CAST: variants seen among roughly 807,000 people sequenced by gnomAD.
CAST encodes calpastatin.
A neutral mutation model predicts 119.6 loss-of-function variants in CAST; 76 were observed. That is an observed-to-expected ratio of 0.64 (90% CI 0.53 to 0.77). The LOEUF (loss-of-function observed/expected upper bound fraction) is 0.77, where lower values mean the gene tolerates loss of function less well. CAST is among the 30% of genes least tolerant of loss of function. CAST has a pLI of 0.00. For missense variants in CAST, 953 were observed against 946.5 expected, an observed-to-expected ratio of 1.01 and a Z score of -0.09; for synonymous variants, 319 against 331.6, an observed-to-expected ratio of 0.96 and a Z score of 0.41.
the CAST span, among the ~76,000 whole-genome samples, chr5:96,308,348 T>C: frequency 6.6e-6 from 1 of 151,980 alleles, no homozygotes; most frequent in African/African-American, 2.4e-5. Flanking sequence ...TAGTTAGCAA[T>C]ACATCTAACC....
the CAST span, among the ~76,000 whole-genome samples, chr5:96,108,243 C>G: frequency 6.6e-6 from 1 of 152,246 alleles, no homozygotes; most frequent in Non-Finnish European, 1.5e-5. Flanking sequence ...CATTCTCTGT[C>G]CAGCTTTTTT....
At chr5:96,286,488 G>A in the CAST span, among the ~76,000 whole-genome samples, 7 of 152,160 alleles carry the variant, frequency 4.6e-5, no homozygotes, top group South Asian at 2.1e-4. Context: ...AGAATGAGCC[G>A]TTAAAGGGAG....
chr5:96,645,350 G>T (rs1748001655), intron 1 of CAST, among the ~76,000 whole-genome samples: 1 of 152,126 alleles, frequency 6.6e-6, no homozygotes, highest in East Asian at 1.9e-4. Context: ...TCATCACGCG[G>T]TTAAGGTGGT....
At chr5:96,731,837 A>AT (rs1334196503) in intron 9 of CAST, among the ~76,000 whole-genome samples, 2 of 151,760 alleles carry the variant, frequency 1.3e-5, no homozygotes, top group East Asian at 3.9e-4. Context: ...TGAACTCATC[A>AT]TTTTTTATGG....
At chr5:96,434,777 G>A in the CAST span, among the ~76,000 whole-genome samples, 1 of 152,202 alleles carries the variant, frequency 6.6e-6, no homozygotes, top group East Asian at 1.9e-4. Context: ...GACAAGACTT[G>A]GTGGAGGATC....
At chr5:96,092,572 A>T in the CAST span, among the ~76,000 whole-genome samples, 3 of 152,218 alleles carry the variant, frequency 2.0e-5, no homozygotes, top group African/African-American at 4.8e-5. Context: ...GGTTTAAAAT[A>T]TACATGATAA....
At chr5:96,046,224 G>A in the CAST span, among the ~76,000 whole-genome samples, 3 of 152,006 alleles carry the variant, frequency 2.0e-5, no homozygotes, top group East Asian at 5.8e-4. Context: ...TATTTTATAA[G>A]GATATACACA....
the CAST span, among the ~76,000 whole-genome samples, chr5:96,491,979 C>T: frequency 2.6e-5 from 4 of 152,322 alleles, no homozygotes; most frequent in African/African-American, 9.6e-5. Flanking sequence ...TAACATTCAT[C>T]TCCAGAGGAG....
At chr5:96,127,007 G>A in the CAST span, among the ~76,000 whole-genome samples, 2 of 152,056 alleles carry the variant, frequency 1.3e-5, no homozygotes, top group Non-Finnish European at 2.9e-5. Flanking sequence ...TGTATGTTAG[G>A]GGCATAAGTA....
chr5:96,186,714 T>G, the CAST span, among the ~76,000 whole-genome samples: 112 of 152,366 alleles, frequency 7.4e-4, 1 homozygote, highest in African/African-American at 2.5e-3. Context: ...TTGATCATGG[T>G]TGATAAGCTT....
chr5:96,703,609 A>G (rs1329808755), intron 3 of CAST, among the ~76,000 whole-genome samples: 1 of 152,224 alleles, frequency 6.6e-6, no homozygotes, highest in East Asian at 1.9e-4. Flanking sequence ...GGCAGGGGGA[A>G]GTTCTTTATT....
the CAST span, among the ~76,000 whole-genome samples, chr5:96,184,849 A>G: frequency 6.6e-6 from 1 of 152,196 alleles, no homozygotes; most frequent in South Asian, 2.1e-4. Flanking sequence ...AGAATGATAT[A>G]TATTCTTTTG....
At position 96,675,532 on chromosome 5, in the gene CAST, T is replaced by C. The variant is rs2150247849; in HGVS notation, c.76-7T>C. ...TTTATTAAGCATTATTTTTTACTTT[T>C]TTATAGCATGTCAGTGAAAAAACCA... On this transcript the variant is annotated splice_polypyrimidine_tract_variant and splice_region_variant and intron_variant, in intron 1 of 31. Transcript: ENST00000675179. 1 of 1,608,240 alleles carries C rather than the reference T, an allele frequency of 6.2e-7. No individual in the cohort carries two copies. The highest frequency in any genetic ancestry group is 8.5e-7 in the Non-Finnish European group (1 of 1,174,718).
intron 1 of CAST, chr5:96,584,424 A>C (rs1009626103): frequency 6.6e-6 from 1 of 152,222 alleles, no homozygotes; most frequent in African/African-American, 2.4e-5. Context: ...CCGCCCATTC[A>C]TTCACTCCTC....
the CAST span, among the ~76,000 whole-genome samples, chr5:96,019,147 G>T: frequency 6.6e-6 from 1 of 152,084 alleles, no homozygotes; most frequent in Non-Finnish European, 1.5e-5. Context: ...ATGTAAACGT[G>T]GAAATGGAAA....
chr5:96,321,524 C>T, the CAST span, among the ~76,000 whole-genome samples: 4 of 152,336 alleles, frequency 2.6e-5, no homozygotes, highest in South Asian at 8.3e-4. Context: ...TCTGACCAGA[C>T]TGGAATGTTC....
the CAST span, among the ~76,000 whole-genome samples, chr5:96,317,002 G>T: frequency 6.6e-6 from 1 of 152,014 alleles, no homozygotes; most frequent in African/African-American, 2.4e-5. Context: ...TTATGTTCTT[G>T]GTACCTAAAG....
At chr5:96,642,111 T>G (rs1747957946) in intron 1 of CAST, among the ~76,000 whole-genome samples, 1 of 152,176 alleles carries the variant, frequency 6.6e-6, no homozygotes, top group African/African-American at 2.4e-5. Flanking sequence ...TTCTATAAGC[T>G]CTCCAGAAAC....
chr5:96,526,343 G>C (rs192442147), upstream of CAST, among the ~76,000 whole-genome samples: 1 of 152,148 alleles, frequency 6.6e-6, no homozygotes. Flanking sequence ...ATTATGGGAA[G>C]GTAGAGGTAG....
Sources: allele counts gnomAD v4.1 joint callset (sites outside exome capture counted in the v4.1 genomes callset), GRCh38; gene constraint gnomAD v4.1.1; transcripts MANE v1.5; gene names NCBI Gene and HGNC (gene_info 2026-07-23, HGNC 2026-07-21).